Variants in DUSP22 observed in about 807,000 individuals in gnomAD.
DUSP22 encodes the protein dual specificity phosphatase 22.
In DUSP22, 24 loss-of-function variants were observed where a neutral mutation model predicts 24.5. The observed-to-expected ratio is 0.98, with a 90% CI of 0.71 to 1.38. The LOEUF (loss-of-function observed/expected upper bound fraction) is 1.38, where lower values mean the gene tolerates loss of function less well. Ranked by LOEUF, DUSP22 falls within the 40% of genes most tolerant of loss-of-function variation. The pLI, the probability that DUSP22 is intolerant of heterozygous loss-of-function variation, is 0.00. For missense variants in DUSP22, 330 were observed against 269.2 expected (o/e 1.23, Z -1.58); for synonymous variants, 160 against 106.4 (o/e 1.50, Z -3.10).
At chr6:324,688 A>G (rs1758770196) in intron 3 of DUSP22, among the ~76,000 whole-genome samples, 1 of 152,308 alleles carries the variant, frequency 6.6e-6, no homozygotes, top group Non-Finnish European at 1.5e-5. Flanking sequence ...CCTCTTTCTC[A>G]AAACAGCTTC....
At chr6:347,178 G>A (rs1181931936) in intron 5 of DUSP22, among the ~76,000 whole-genome samples, 2 of 152,302 alleles carry the variant, frequency 1.3e-5, no homozygotes, top group African/African-American at 4.8e-5. Flanking sequence ...GAATCTCCAG[G>A]GTTGCAGCCC....
At chr6:297,773 G>C (rs946435706) in intron 1 of DUSP22, among the ~76,000 whole-genome samples, 1 of 152,308 alleles carries the variant, frequency 6.6e-6, no homozygotes, top group Non-Finnish European at 1.5e-5. Context: ...TTACAGGGTT[G>C]AGAAGCTCTG....
intron 3 of DUSP22, among the ~76,000 whole-genome samples, chr6:327,614 T>C (rs576344071): frequency 6.6e-6 from 1 of 152,426 alleles, no homozygotes; most frequent in Non-Finnish European, 1.5e-5. Flanking sequence ...GTGCCAGTCC[T>C]CTGTGCCAGG....
At chr6:324,669 C>A (rs1323973420) in intron 3 of DUSP22, among the ~76,000 whole-genome samples, 1 of 152,310 alleles carries the variant, frequency 6.6e-6, no homozygotes, top group African/African-American at 2.4e-5. Context: ...TGCTCTGGGT[C>A]AGTGTTTGCC....
intron 3 of DUSP22, chr6:320,284 C>T (rs1758528585): frequency 6.5e-6 from 1 of 152,888 alleles, no homozygotes. Context: ...GGACACTCTT[C>T]CTAGATGTTG....
chr6:333,710 C>G (rs751918764), intron 3 of DUSP22, among the ~76,000 whole-genome samples: 1 of 152,312 alleles, frequency 6.6e-6, no homozygotes, highest in East Asian at 1.9e-4. Context: ...TCAGCGCCCA[C>G]TTTGCCCCGA....
chr6:295,914 C>A (rs1226654426), intron 1 of DUSP22, among the ~76,000 whole-genome samples: 1 of 152,190 alleles, frequency 6.6e-6, no homozygotes, highest in African/African-American at 2.4e-5. Flanking sequence ...TTATATTTGC[C>A]CAGATTGGGG....
intron 3 of DUSP22, among the ~76,000 whole-genome samples, chr6:317,241 C>A (rs571121628): frequency 4.6e-5 from 7 of 152,294 alleles, no homozygotes; most frequent in African/African-American, 1.7e-4. Context: ...CCTTTTTCCC[C>A]GGGTCAGTGC....
intron 1 of DUSP22, among the ~76,000 whole-genome samples, chr6:297,163 T>C (rs997945874): frequency 6.6e-5 from 10 of 152,410 alleles, no homozygotes; most frequent in African/African-American, 2.4e-4. Flanking sequence ...AGCTTCAGGA[T>C]TTTTTTCCTT....
At chr6:299,770 C>T (rs1418779355) in intron 1 of DUSP22, among the ~76,000 whole-genome samples, 1 of 152,304 alleles carries the variant, frequency 6.6e-6, no homozygotes, top group Non-Finnish European at 1.5e-5. Context: ...CACGCTGCTG[C>T]AGCAGCTCCC....
intron 2 of DUSP22, among the ~76,000 whole-genome samples, 180 bp from the exon 3 acceptor site, chr6:311,700 A>C (rs1758106741): frequency 1.3e-5 from 2 of 152,288 alleles, no homozygotes; most frequent in African/African-American, 2.4e-5. Flanking sequence ...AAAAGAAATA[A>C]AGTTAGGCAA....
At chr6:315,936 G>C (rs1055484658) in intron 3 of DUSP22, among the ~76,000 whole-genome samples, 2 of 152,308 alleles carry the variant, frequency 1.3e-5, no homozygotes, top group Admixed American at 1.3e-4. Flanking sequence ...GCTGTGGCTT[G>C]GAGCAGGTGG....
chr6:344,230 A>G (rs894233228), intron 4 of DUSP22, among the ~76,000 whole-genome samples: 2 of 150,362 alleles, frequency 1.3e-5, no homozygotes, highest in East Asian at 3.8e-4. Flanking sequence ...CTGAAAAACT[A>G]AAGAGTTAGA....
intron 3 of DUSP22, chr6:325,488 A>T (rs1758818290): frequency 5.5e-6 from 1 of 181,276 alleles, no homozygotes; most frequent in Non-Finnish European, 9.9e-6. Flanking sequence ...GCAGTGCTGT[A>T]TCTGCTGGTG....
Position 333,209 on chromosome 6 carries a change from G to A in DUSP22, c.139-1905G>A, listed in dbSNP as rs547248227. On this transcript the variant is annotated intron_variant, in intron 3 of 6. Transcript: ENST00000419235. ...ACAGAGACAGGAGGAGGCAACTGGG[G>A]ATAACAAAGTGAAGGCAAAGGAGGG... 3.7e-4 allele frequency among the ~76,000 whole-genome samples: 56 copies of A among 152,400 alleles called. No homozygotes were observed. In the East Asian group the frequency reaches 0.01, roughly 27 times the overall value.
chr6:311,914 G>C lies in DUSP22; in HGVS notation c.90G>C (p.Lys30Asn). ...ACGCGGAACAATTGAGCAAGAACAA[G>C]GTGACACATATTCTGTCTGTCCACG... ...ARDAEQLSKN[K>N]VTHILSVHDS... is the part of the protein sequence containing the mutation. The change falls in exon 3 of 7, where the codon AAG (lysine) becomes AAC (asparagine). Residue 30 changes from lysine (K) to asparagine (N), a missense_variant. Transcript: ENST00000419235. 1.2e-6 allele frequency: 2 copies of C among 1,612,774 alleles called. No individual in the cohort carries two copies. The highest frequency in any genetic ancestry group is 4.5e-5 in the East Asian group (2 of 44,736).
intron 3 of DUSP22, among the ~76,000 whole-genome samples, chr6:328,455 A>G (rs1758986939): frequency 6.6e-6 from 1 of 152,304 alleles, no homozygotes; most frequent in African/African-American, 2.4e-5. Context: ...TGATCTGACA[A>G]GTCAAATGCA....
chr6:306,400 T>C (rs1229935106), intron 2 of DUSP22, among the ~76,000 whole-genome samples: 3 of 152,310 alleles, frequency 2.0e-5, no homozygotes, highest in African/African-American at 7.2e-5. Context: ...CTTTTCACAC[T>C]ACAAGCTATA....
intron 3 of DUSP22, among the ~76,000 whole-genome samples, chr6:319,451 A>G (rs1326288958): frequency 5.9e-5 from 9 of 152,296 alleles, no homozygotes; most frequent in Non-Finnish European, 1.2e-4. Context: ...TCAATCTTCA[A>G]AGGGAGAAGA....
Sources: gnomAD v4.1 joint callset for allele counts (sites outside exome capture counted in the v4.1 genomes callset) on GRCh38, gnomAD v4.1.1 for gene constraint, MANE v1.5 for transcripts, NCBI Gene and HGNC (gene_info 2026-07-23, HGNC 2026-07-21) for gene names.